The following BDKRB2 variants were observed in gnomAD, a reference collection of about 807,000 sequenced individuals.
BDKRB2 encodes the protein bradykinin receptor B2, also known as B2 bradykinin receptor.
In BDKRB2, 6 loss-of-function variants were observed where a neutral mutation model predicts 4.0. The ratio of observed to expected loss-of-function variants is 1.49; its 90% CI spans 0.81 to 2.93. The LOEUF (loss-of-function observed/expected upper bound fraction) is 2.93. Among genes scored for constraint, BDKRB2 ranks in the 30% most tolerant of loss-of-function variants. BDKRB2 has a pLI of 0.00. For synonymous variants in BDKRB2, 225 were observed against 215.3 expected, an observed-to-expected ratio of 1.05 and a Z score of -0.40; for missense variants, 478 against 520.1, an observed-to-expected ratio of 0.92 and a Z score of 0.79.
Position 96,206,745 on chromosome 14 carries a change from A to G in BDKRB2, c.-40+1786A>G, listed in dbSNP as rs138079056. ...GCTGCTTGTGGTCAGGGAGGGGCCCACCTGGGCGCGGTGGGGGGAGCCCTG... is the reference window on the plus strand; with the variant it reads ...GCTGCTTGTGGTCAGGGAGGGGCCCGCCTGGGCGCGGTGGGGGGAGCCCTG... On this transcript the variant is annotated intron_variant, in intron 1 of 2. Coordinates refer to ENST00000554311, the MANE Select transcript of BDKRB2 (RefSeq NM_001379692.1). Among the ~76,000 whole-genome samples the G allele has an allele frequency of 3.2e-3, 494 of 152,244 alleles. 4 individuals carry two copies. The highest frequency in any genetic ancestry group is 0.011 in the African/African-American group (470 of 41,566).
At position 96,243,339 on chromosome 14, in the gene BDKRB2, AC is replaced by A. The variant is rs1885348984; in HGVS notation, c.*1837del. ...AGGGCTAGAACCTAGAAGGGCTAGA[AC>A]CTGGAGGGCTGGAATCTGGAGAGCT... On this transcript the variant is annotated 3_prime_UTR_variant, in exon 3 of 3. Coordinates refer to ENST00000554311, the MANE Select transcript of BDKRB2 (RefSeq NM_001379692.1). The A allele has an allele frequency of 1.4e-5, 2 of 147,804 alleles. No individual in the cohort carries two copies. Among genetic ancestry groups the A allele is most frequent in the African/African-American group, 5.1e-5 (2 of 39,186 alleles). 9.2% of individuals were successfully genotyped at this position (147,804 alleles called of 1,614,324 possible). A position where few individuals can be genotyped will look rare whatever the true frequency, so the allele number is the denominator to read the frequency against.
chr14:96,229,248 G>A (rs1035736038), intron 1 of BDKRB2, among the ~76,000 whole-genome samples: 1 of 152,108 alleles, frequency 6.6e-6, no homozygotes, highest in Non-Finnish European at 1.5e-5. Flanking sequence ...GCAGGTAGAG[G>A]TGGAAGAGAA....
intron 1 of BDKRB2, among the ~76,000 whole-genome samples, chr14:96,217,577 AC>A (rs1481305839): frequency 6.6e-6 from 1 of 152,254 alleles, no homozygotes; most frequent in Non-Finnish European, 1.5e-5. Context: ...GTCTGGTGGC[AC>A]TACCTCATTT....
chr14:96,218,584 G>A lies in BDKRB2; in HGVS notation c.-40+13625G>A, dbSNP rs887908375. Among the ~76,000 whole-genome samples the A allele has an allele frequency of 7.2e-5, 11 of 152,234 alleles. No homozygotes were observed. The East Asian group carries it at 1.2e-3, about 16-fold the overall frequency. On this transcript the variant is annotated intron_variant, in intron 1 of 2. Transcript: ENST00000554311. ...CCAGGCCCTGCTCTGCCACTGACTCGCTGAGGCTGGGTTTCCCCATCTGCA... is the reference window on the plus strand; with the variant it reads ...CCAGGCCCTGCTCTGCCACTGACTCACTGAGGCTGGGTTTCCCCATCTGCA...
At chr14:96,229,405 C>T (rs1330936908) in intron 1 of BDKRB2, among the ~76,000 whole-genome samples, 1 of 152,118 alleles carries the variant, frequency 6.6e-6, no homozygotes, top group Non-Finnish European at 1.5e-5. Flanking sequence ...AACACTCAGC[C>T]TTGGACCGAA....
intron 2 of BDKRB2, chr14:96,238,933 C>G (rs1885187518): frequency 1.0e-6 from 1 of 985,586 alleles, no homozygotes; most frequent in Non-Finnish European, 1.2e-6. Flanking sequence ...GAGCTCAGCA[C>G]AGAGCAGACG....
At chr14:96,213,495 AACAC>A (rs66460667) in intron 1 of BDKRB2, among the ~76,000 whole-genome samples, 3,479 of 146,728 alleles carry the variant, frequency 0.024, 115 homozygotes, top group East Asian at 0.15. Context: ...GACCGACCCA[AACAC>A]ACACACACAC....
intron 1 of BDKRB2, among the ~76,000 whole-genome samples, chr14:96,208,711 C>G (rs918485466): frequency 1.3e-5 from 2 of 152,196 alleles, no homozygotes; most frequent in Non-Finnish European, 2.9e-5. Flanking sequence ...CCGACATGCA[C>G]ACACTCCTGT....
At chr14:96,228,296 G>A (rs1264435249) in intron 1 of BDKRB2, among the ~76,000 whole-genome samples, 6 of 152,214 alleles carry the variant, frequency 3.9e-5, no homozygotes, top group Non-Finnish European at 7.3e-5. Context: ...ATTCACTGAT[G>A]GCTAAGTGTT....
At chr14:96,228,143 G>T (rs1054451015) in intron 1 of BDKRB2, among the ~76,000 whole-genome samples, 24 of 151,772 alleles carry the variant, frequency 1.6e-4, no homozygotes, top group Non-Finnish European at 2.5e-4. Context: ...GGTGACAGGG[G>T]TGTGGCTCAC....
intron 1 of BDKRB2, among the ~76,000 whole-genome samples, chr14:96,234,434 C>T (rs1890887181): frequency 6.6e-6 from 1 of 152,192 alleles, no homozygotes; most frequent in Non-Finnish European, 1.5e-5. Flanking sequence ...GGGGCTCCCA[C>T]TGGCCAAACC....
chr14:96,227,724 C>T (rs749971303), intron 1 of BDKRB2, among the ~76,000 whole-genome samples: 34 of 152,184 alleles, frequency 2.2e-4, no homozygotes, highest in Non-Finnish European at 3.8e-4. Context: ...CACACACATG[C>T]GTGCACACTG....
At chr14:96,218,140 A>G (rs1367925596) in intron 1 of BDKRB2, among the ~76,000 whole-genome samples, 2 of 152,138 alleles carry the variant, frequency 1.3e-5, no homozygotes, top group Non-Finnish European at 2.9e-5. Context: ...GCTGCCACTA[A>G]GGAATGAGTG....
intron 1 of BDKRB2, chr14:96,233,993 A>G (rs1197759973): frequency 6.6e-6 from 1 of 152,182 alleles, no homozygotes; most frequent in African/African-American, 2.4e-5. Flanking sequence ...TCTGTGAGGC[A>G]CATGAGTCCA....
At chr14:96,209,410 G>A (rs928416057) in intron 1 of BDKRB2, among the ~76,000 whole-genome samples, 4 of 152,058 alleles carry the variant, frequency 2.6e-5, no homozygotes, top group African/African-American at 9.7e-5. Flanking sequence ...AGTTTATTTT[G>A]CCAAGATTAA....
chr14:96,212,369 T>C (rs1406751314), intron 1 of BDKRB2, among the ~76,000 whole-genome samples: 1 of 150,790 alleles, frequency 6.6e-6, no homozygotes, highest in African/African-American at 2.4e-5. Context: ...GTCATGCCTT[T>C]AAATTTTTAA....
intron 1 of BDKRB2, among the ~76,000 whole-genome samples, chr14:96,213,112 C>G (rs994167177): frequency 2.0e-5 from 3 of 152,190 alleles, no homozygotes; most frequent in Non-Finnish European, 4.4e-5. Context: ...TCACTGACCT[C>G]TCCGAACCTC....
chr14:96,218,500 C>T (rs1423443491), intron 1 of BDKRB2, among the ~76,000 whole-genome samples: 8 of 152,098 alleles, frequency 5.3e-5, no homozygotes, highest in Non-Finnish European at 1.2e-4. Flanking sequence ...TGCTACTGGC[C>T]CCACCCATCT....
Position 96,225,485 on chromosome 14 carries a change from G to T in BDKRB2, c.-39-11584G>T, listed in dbSNP as rs377123523. Among the ~76,000 whole-genome samples the T allele has an allele frequency of 3.5e-4, 53 of 152,072 alleles. No homozygotes were observed. The East Asian group carries it at 9.9e-3, about 28-fold the overall frequency. On this transcript the variant is annotated intron_variant, in intron 1 of 2. Coordinates refer to ENST00000554311, the MANE Select transcript of BDKRB2 (RefSeq NM_001379692.1). ...TTTTTTTTGGCCCTGCCCACCATGT[G>T]TGTGCCTGTGCTGCCATGTCACACT...
Sources: gnomAD v4.1 joint callset for allele counts (sites outside exome capture counted in the v4.1 genomes callset) on GRCh38, gnomAD v4.1.1 for gene constraint, MANE v1.5 for transcripts, NCBI Gene and HGNC (gene_info 2026-07-23, HGNC 2026-07-21) for gene names.